MEIS2: variants seen among roughly 807,000 people sequenced by gnomAD.
The protein encoded by MEIS2 is homeobox protein Meis2.
A neutral mutation model predicts 58.6 loss-of-function variants in MEIS2; 9 were observed. The observed-to-expected ratio is 0.15, with a 90% CI of 0.09 to 0.27. The LOEUF is 0.27. MEIS2 is among the 10% of genes least tolerant of loss of function. The pLI is 1.00. For synonymous variants in MEIS2, 221 were observed against 228.4 expected (o/e 0.97, Z 0.29); for missense variants, 427 against 635.0 (o/e 0.67, Z 3.52).
At chr15:36,971,537 T>TAAAAAAAAA (rs71126247) in intron 8 of MEIS2, among the ~76,000 whole-genome samples, 146 of 67,068 alleles carry the variant, frequency 2.2e-3, no homozygotes, top group Middle Eastern at 0.015. Context: ...CTTGTTACAT[T>TAAAAAAAAA]AAAAAAAAAA....
rs185515506 is a variant in MEIS2, at chr15:37,098,881, G to A, written c.12+574C>T. 5.5e-3 allele frequency: 5,375 copies of A among 983,278 alleles called. 18 individuals carry two copies. The highest frequency in any genetic ancestry group is 0.012 in the Middle Eastern group (22 of 1,912). 60.9% of individuals were successfully genotyped at this position (983,278 alleles called of 1,614,324 possible). A position where few individuals can be genotyped will look rare whatever the true frequency, so the allele number is the denominator to read the frequency against. ...GGGGCAGGGAGCGGAGGGTGGGGGG[G>A]CGAATAACGTGAAAGTTACCAGAAA... On this transcript the variant is annotated intron_variant, in intron 1 of 11. Coordinates refer to ENST00000561208, the MANE Select transcript of MEIS2 (RefSeq NM_170675.5).
rs1199915708 is a variant in MEIS2, at chr15:37,100,044, C to G, written c.-578G>C. ...CCGTTTTTTTCTTCCAGTAAAACTC[C>G]GCGAGGGGTTTCTGCTTCTTGAATT... On this transcript the variant is annotated 5_prime_UTR_variant, in exon 1 of 12. Transcript: ENST00000561208. 1.3e-5 allele frequency: 2 copies of G among 151,534 alleles called. No homozygotes were observed. The highest frequency in any genetic ancestry group is 2.9e-5 in the Non-Finnish European group (2 of 68,204). The allele number at this position is 151,534 out of a possible 1,614,324, so 9.4% of individuals were successfully genotyped here. A position where few individuals can be genotyped will look rare whatever the true frequency, so the allele number is the denominator to read the frequency against.
intron 9 of MEIS2, chr15:36,898,057 T>C (rs2056277183): frequency 1.3e-5 from 2 of 152,190 alleles, no homozygotes. Context: ...TTGCATATGG[T>C]GTTTGTTTGC....
At chr15:36,937,775 C>CA (rs200058541) in intron 9 of MEIS2, among the ~76,000 whole-genome samples, 185 of 150,432 alleles carry the variant, frequency 1.2e-3, no homozygotes, top group Admixed American at 3.2e-3. Context: ...AACAAACAAA[C>CA]AAAAAAAAAC....
chr15:37,092,387 A>C (rs564118565), intron 6 of MEIS2, among the ~76,000 whole-genome samples: 97 of 152,278 alleles, frequency 6.4e-4, no homozygotes, highest in Middle Eastern at 3.4e-3. Flanking sequence ...CATTTCTCAT[A>C]CCAGTCAGGA....
At chr15:37,072,567 A>G (rs1890848937) in intron 7 of MEIS2, among the ~76,000 whole-genome samples, 1 of 152,054 alleles carries the variant, frequency 6.6e-6, no homozygotes, top group South Asian at 2.1e-4. Flanking sequence ...TGCACAATAT[A>G]CTGCATCACA....
At chr15:37,054,460 A>C (rs998742089) in intron 7 of MEIS2, among the ~76,000 whole-genome samples, 11 of 152,238 alleles carry the variant, frequency 7.2e-5, no homozygotes, top group Admixed American at 5.9e-4. Context: ...TCTGTTGCCC[A>C]GGCTGGACTG....
At chr15:37,046,828 G>A (rs931774647) in intron 7 of MEIS2, among the ~76,000 whole-genome samples, 16 of 60,302 alleles carry the variant, frequency 2.7e-4, no homozygotes, top group South Asian at 9.0e-4. Flanking sequence ...GGTTATTCTC[G>A]TTTAAAAAAT....
intron 8 of MEIS2, among the ~76,000 whole-genome samples, chr15:36,974,227 C>A (rs1350517760): frequency 6.6e-6 from 1 of 152,180 alleles, no homozygotes; most frequent in African/African-American, 2.4e-5. Flanking sequence ...AAACACCAAA[C>A]ATCATAGTGA....
chr15:37,075,254 T>C (rs1891250068), intron 7 of MEIS2, among the ~76,000 whole-genome samples: 1 of 152,078 alleles, frequency 6.6e-6, no homozygotes, highest in East Asian at 1.9e-4. Context: ...TCTGACCATA[T>C]GCACATAATA....
intron 8 of MEIS2, among the ~76,000 whole-genome samples, chr15:36,966,950 G>T (rs1355677998): frequency 6.6e-6 from 1 of 152,198 alleles, no homozygotes; most frequent in African/African-American, 2.4e-5. Context: ...TCAGTGGAAG[G>T]ATGGGGGCTG....
chr15:36,915,647 C>T (rs2057244706), intron 9 of MEIS2, among the ~76,000 whole-genome samples: 1 of 152,158 alleles, frequency 6.6e-6, no homozygotes, highest in Non-Finnish European at 1.5e-5. Context: ...ACCCACTCCT[C>T]CTCCCACTGA....
Position 36,892,898 on chromosome 15 carries a change from T to A in MEIS2, c.1148-439A>T, listed in dbSNP as rs549388544. ...GACATCTTATCATATCTATATTTCC[T>A]CATGAAAAATTTATTACACAAAACA... On this transcript the variant is annotated intron_variant, in intron 11 of 11. Coordinates refer to ENST00000561208, the MANE Select transcript of MEIS2 (RefSeq NM_170675.5). 4.0e-4 allele frequency among the ~76,000 whole-genome samples: 61 copies of A among 152,342 alleles called. No individual in the cohort carries two copies. The South Asian group carries it at 0.011, about 28-fold the overall frequency.
At chr15:36,915,597 C>A (rs112697196) in intron 9 of MEIS2, among the ~76,000 whole-genome samples, 2,566 of 152,268 alleles carry the variant, frequency 0.017, 87 homozygotes, top group African/African-American at 0.059. Flanking sequence ...TCAAGGGCCC[C>A]CTCCAGAAGT....
At chr15:36,968,993 G>A (rs2141456599) in intron 8 of MEIS2, among the ~76,000 whole-genome samples, 1 of 152,178 alleles carries the variant, frequency 6.6e-6, no homozygotes, top group Non-Finnish European at 1.5e-5. Flanking sequence ...ACGTAAACCG[G>A]CCATCATTTA....
At chr15:37,012,454 T>A (rs1264725328) in intron 8 of MEIS2, among the ~76,000 whole-genome samples, 1 of 152,204 alleles carries the variant, frequency 6.6e-6, no homozygotes, top group East Asian at 1.9e-4. Context: ...TAATCATGCA[T>A]CCTATTCATA....
intron 8 of MEIS2, among the ~76,000 whole-genome samples, chr15:36,962,397 C>T (rs911702907): frequency 6.6e-6 from 1 of 152,070 alleles, no homozygotes; most frequent in East Asian, 1.9e-4. Context: ...TGTTCAAGTC[C>T]CTAATATAAA....
At chr15:36,971,550 A>AAAAAAAAAAAAAAAAAAAAAAG (rs2059567796) in intron 8 of MEIS2, among the ~76,000 whole-genome samples, 1 of 145,962 alleles carries the variant, frequency 6.9e-6, no homozygotes, top group African/African-American at 2.5e-5. Context: ...AAAAAAAAAA[A>AAAAAAAAAAAAAAAAAAAAAAG]AAAAAAAAAA....
chr15:37,023,967 G>C (rs1191841552), intron 8 of MEIS2, among the ~76,000 whole-genome samples: 2 of 140,434 alleles, frequency 1.4e-5, no homozygotes, highest in Non-Finnish European at 3.0e-5. Context: ...AGGCTGGAGT[G>C]CAGTGGCACT....
Sources: allele counts gnomAD v4.1 joint callset (sites outside exome capture counted in the v4.1 genomes callset), GRCh38; gene constraint gnomAD v4.1.1; transcripts MANE v1.5; gene names NCBI Gene and HGNC (gene_info 2026-07-23, HGNC 2026-07-21).